Variants in TMEM154 observed in about 807,000 individuals in gnomAD.
The protein encoded by TMEM154 is transmembrane protein 154.
A neutral mutation model predicts 24.5 loss-of-function variants in TMEM154; 27 were observed. The observed-to-expected ratio is 1.10, with a 90% confidence interval of 0.81 to 1.52. The LOEUF (loss-of-function observed/expected upper bound fraction) is 1.52. Ranked by LOEUF, TMEM154 falls within the 40% of genes most tolerant of loss-of-function variation. The pLI is 0.00. For synonymous variants in TMEM154, 67 were observed against 76.8 expected, an observed-to-expected ratio of 0.87 and a Z score of 0.67; for missense variants, 228 against 213.4, an observed-to-expected ratio of 1.07 and a Z score of -0.43.
At chr4:152,668,066 A>G (rs889977605) in intron 1 of TMEM154, among the ~76,000 whole-genome samples, 2 of 152,148 alleles carry the variant, frequency 1.3e-5, no homozygotes, top group African/African-American at 4.8e-5. Context: ...ATTTAATCAG[A>G]TTTGCTCAGG....
intron 6 of TMEM154, among the ~76,000 whole-genome samples, chr4:152,630,309 C>CAAAAAAAA (rs56827457): frequency 1.1e-5 from 1 of 91,334 alleles, no homozygotes; most frequent in Non-Finnish European, 2.0e-5. Flanking sequence ...CACCCTGTCT[C>CAAAAAAAA]AAAAAAAAAA....
Position 152,624,298 on chromosome 4 carries a change from G to T in TMEM154, c.*4248C>A, listed in dbSNP as rs111275222. On this transcript the variant is annotated 3_prime_UTR_variant, in exon 7 of 7. Transcript: ENST00000304385. ...GTAGGGCAAAAAAACAAAACACAAG[G>T]TCCAGGTACAAATAATTCCAGCCAG... 1.6e-4 allele frequency: 25 copies of T among 152,128 alleles called. 1 individual carries two copies. The highest frequency in any genetic ancestry group is 5.5e-4 in the African/African-American group (23 of 41,530). The allele number at this position is 152,128 out of a possible 1,614,324, so 9.4% of individuals were successfully genotyped here.
At position 152,620,701 on chromosome 4, in the gene TMEM154, A is replaced by T. The variant is rs1751831187; in HGVS notation, c.*7845T>A. 1 of 152,126 alleles carries T rather than the reference A, an allele frequency of 6.6e-6. No homozygotes were observed. 9.4% of individuals were successfully genotyped at this position (152,126 alleles called of 1,614,324 possible). ...TTTTAGTTGAGACGGGGGTTTCACC[A>T]TGTTGGCCAGGCTGGTCTCAAACTC... On this transcript the variant is annotated 3_prime_UTR_variant, in exon 7 of 7. Transcript: ENST00000304385.
intron 1 of TMEM154, among the ~76,000 whole-genome samples, chr4:152,660,378 C>CCCG (rs1728577964): frequency 6.6e-6 from 1 of 150,756 alleles, no homozygotes; most frequent in African/African-American, 2.5e-5. Flanking sequence ...CAGACCCCGC[C>CCCG]CCCCCCTCAC....
At chr4:152,651,645 C>G (rs905599322) in intron 3 of TMEM154, among the ~76,000 whole-genome samples, 1 of 152,182 alleles carries the variant, frequency 6.6e-6, no homozygotes, top group East Asian at 1.9e-4. Context: ...GATCTTCTAC[C>G]CAGACCACTG....
chr4:152,637,283 C>T (rs566433669), intron 6 of TMEM154, among the ~76,000 whole-genome samples: 8 of 152,212 alleles, frequency 5.3e-5, no homozygotes, highest in Non-Finnish European at 8.8e-5. Context: ...CGGTGTCTCA[C>T]GCCTGTAATC....
chr4:152,631,905 C>G (rs1045875413), intron 6 of TMEM154, among the ~76,000 whole-genome samples: 18 of 148,964 alleles, frequency 1.2e-4, no homozygotes, highest in Non-Finnish European at 1.8e-4. Context: ...CCCAGGTTCA[C>G]ACCATTCTCC....
intron 3 of TMEM154, among the ~76,000 whole-genome samples, chr4:152,648,319 C>T (rs1176582627): frequency 1.3e-5 from 2 of 151,862 alleles, no homozygotes; most frequent in African/African-American, 4.8e-5. Flanking sequence ...TCCATCTCTA[C>T]AAAACGTTTT....
chr4:152,644,097 T>C, intron 4 of TMEM154, among the ~76,000 whole-genome samples: 1 of 152,206 alleles, frequency 6.6e-6, no homozygotes, highest in East Asian at 1.9e-4. Flanking sequence ...TGAACCAATG[T>C]CCTTGAAATA....
intron 1 of TMEM154, among the ~76,000 whole-genome samples, chr4:152,675,026 T>C (rs1181150392): frequency 6.6e-6 from 1 of 151,650 alleles, no homozygotes; most frequent in Admixed American, 6.6e-5. Context: ...TGTGGTGGCA[T>C]GCGCCTATAA....
At chr4:152,632,054 G>T (rs973085589) in intron 6 of TMEM154, among the ~76,000 whole-genome samples, 1 of 151,628 alleles carries the variant, frequency 6.6e-6, no homozygotes, top group Non-Finnish European at 1.5e-5. Context: ...TGATCCGCCC[G>T]CCTCGGCCTC....
intron 1 of TMEM154, among the ~76,000 whole-genome samples, chr4:152,655,923 A>C (rs2086205725): frequency 1.3e-5 from 2 of 152,102 alleles, no homozygotes; most frequent in South Asian, 2.1e-4. Flanking sequence ...AGAGAGTCAA[A>C]GAACAGGTCT....
At chr4:152,643,495 C>A (rs1579515881) in intron 4 of TMEM154, among the ~76,000 whole-genome samples, 2 of 152,200 alleles carry the variant, frequency 1.3e-5, no homozygotes, top group Non-Finnish European at 2.9e-5. Flanking sequence ...CAGGGTGAGG[C>A]CCTTCCGGGG....
chr4:152,629,990 G>T (rs1752003479), intron 6 of TMEM154, among the ~76,000 whole-genome samples: 2 of 152,088 alleles, frequency 1.3e-5, no homozygotes, highest in African/African-American at 4.8e-5. Context: ...GAGGAGGACA[G>T]AATTTTATCT....
At chr4:152,650,931 G>T (rs1471235431) in intron 3 of TMEM154, among the ~76,000 whole-genome samples, 1 of 152,118 alleles carries the variant, frequency 6.6e-6, no homozygotes, top group Non-Finnish European at 1.5e-5. Context: ...CTTAACAGTG[G>T]ACTTAAATTA....
chr4:152,619,629 T>A lies in TMEM154; in HGVS notation c.*8917A>T, dbSNP rs571249634. 6.6e-6 allele frequency: 1 copy of A among 152,208 alleles called. No homozygotes were observed. Among genetic ancestry groups the A allele is most frequent in the Non-Finnish European group, 1.5e-5 (1 of 68,044 alleles). The allele number at this position is 152,208 out of a possible 1,614,324, so 9.4% of individuals were successfully genotyped here. ...TACTTTGCTCTCTTGGGACACTTGCTCTTGGAACTCAGCTGCCATGCTGTG... is the reference window on the plus strand; with the variant it reads ...TACTTTGCTCTCTTGGGACACTTGCACTTGGAACTCAGCTGCCATGCTGTG... On this transcript the variant is annotated 3_prime_UTR_variant, in exon 7 of 7. Transcript: ENST00000304385.
intron 1 of TMEM154, among the ~76,000 whole-genome samples, chr4:152,672,125 G>C (rs1049082089): frequency 1.3e-5 from 2 of 151,788 alleles, no homozygotes; most frequent in South Asian, 4.2e-4. Context: ...AAATTAGCCG[G>C]GTGTAGTGGC....
Position 152,652,531 on chromosome 4 carries a change from T to C in TMEM154, c.364+7A>G. On this transcript the variant is annotated splice_region_variant and intron_variant, in intron 3 of 6. Coordinates refer to ENST00000304385, the MANE Select transcript of TMEM154 (RefSeq NM_152680.3). ...CACCTGTAGGCAGGTTTTAGGATAATACTCACATGTCTGTAAAGCACTCTG... is the reference window on the plus strand; with the variant it reads ...CACCTGTAGGCAGGTTTTAGGATAACACTCACATGTCTGTAAAGCACTCTG... 6.2e-7 allele frequency: 1 copy of C among 1,613,318 alleles called. No homozygotes were observed. Among genetic ancestry groups the C allele is most frequent in the Non-Finnish European group, 8.5e-7 (1 of 1,179,404 alleles).
rs990475035 is a variant in TMEM154 at position 152,620,020 on chromosome 4, C to G, written c.*8526G>C. On this transcript the variant is annotated 3_prime_UTR_variant, in exon 7 of 7. Coordinates refer to ENST00000304385, the MANE Select transcript of TMEM154 (RefSeq NM_152680.3). ...TGCCTCCAGGGGTGGGCCACTTGAG[C>G]TCAGGCTGAATCCCAAGCAATGCTG... The G allele has an allele frequency of 6.6e-6, 1 of 152,262 alleles. No individual in the cohort carries two copies. The highest frequency in any genetic ancestry group is 1.5e-5 in the Non-Finnish European group (1 of 68,094). The allele number at this position is 152,262 out of a possible 1,614,324, so 9.4% of individuals were successfully genotyped here. A position where few individuals can be genotyped will look rare whatever the true frequency, so the allele number is the denominator to read the frequency against.
Sources: gnomAD v4.1 joint callset for allele counts (sites outside exome capture counted in the v4.1 genomes callset) on GRCh38, gnomAD v4.1.1 for gene constraint, MANE v1.5 for transcripts, NCBI Gene and HGNC (gene_info 2026-07-23, HGNC 2026-07-21) for gene names.